The following DDX60 variants were observed in gnomAD, a reference collection of about 807,000 sequenced individuals.
DDX60 encodes the protein probable ATP-dependent RNA helicase DDX60.
Under a neutral mutation model 212.8 loss-of-function variants are expected in DDX60, and 165 were observed. The ratio of observed to expected loss-of-function variants is 0.78; its 90% CI spans 0.68 to 0.88. DDX60 has a LOEUF of 0.88. Ranked by LOEUF, DDX60 falls within the 40% of genes least tolerant of loss-of-function variation. The probability of loss-of-function intolerance (pLI) is 0.00; values close to 1 mark genes in which losing one functional copy is unlikely to be tolerated. For synonymous variants in DDX60, 703 were observed against 685.3 expected, an observed-to-expected ratio of 1.03 and a Z score of -0.40; for missense variants, 1,905 against 2,003.9, an observed-to-expected ratio of 0.95 and a Z score of 0.94.
intron 28 of DDX60, among the ~76,000 whole-genome samples, chr4:168,250,034 A>C (rs1275524995): frequency 6.6e-6 from 1 of 152,234 alleles, no homozygotes; most frequent in Non-Finnish European, 1.5e-5. Flanking sequence ...ATTTACAAGC[A>C]AACCATATAA....
Position 168,236,584 on chromosome 4 carries a change from T to C in DDX60, c.4412-211A>G, listed in dbSNP as rs372911274. 7.9e-5 allele frequency among the ~76,000 whole-genome samples: 12 copies of C among 152,078 alleles called. No homozygotes were observed. In the East Asian group the frequency reaches 1.7e-3, roughly 22 times the overall value. ...ACCTATACCCTAATTTAGATCCTAA[T>C]GATCCCACACAAATTGCCTTATTTC... On this transcript the variant is annotated intron_variant, in intron 32 of 37. Transcript: ENST00000393743.
At chr4:168,291,356 T>G (rs556082124) in intron 8 of DDX60, among the ~76,000 whole-genome samples, 41 of 152,334 alleles carry the variant, frequency 2.7e-4, no homozygotes, top group African/African-American at 9.9e-4. Context: ...TTGCTTCTAT[T>G]TCTCTAAAGT....
chr4:168,321,989 C>T (rs948239985), upstream of DDX60, among the ~76,000 whole-genome samples: 1 of 152,104 alleles, frequency 6.6e-6, no homozygotes, highest in African/African-American at 2.4e-5. Context: ...CAGCATGGTG[C>T]CCTGTAGTGG....
chr4:168,239,039 T>C (rs753276001), intron 30 of DDX60, among the ~76,000 whole-genome samples: 14 of 152,120 alleles, frequency 9.2e-5, no homozygotes, highest in Non-Finnish European at 1.9e-4. Flanking sequence ...TGGATAGATG[T>C]ATCCAAAGTG....
chr4:168,262,968 A>G (rs1734685690), intron 22 of DDX60, among the ~76,000 whole-genome samples, 181 bp from the exon 23 acceptor site: 1 of 152,278 alleles, frequency 6.6e-6, no homozygotes, highest in South Asian at 2.1e-4. Context: ...CAAAAGAGGG[A>G]AAAAAGCCAA....
chr4:168,292,322 C>T (rs966555474), intron 7 of DDX60, among the ~76,000 whole-genome samples: 1 of 151,976 alleles, frequency 6.6e-6, no homozygotes, highest in Non-Finnish European at 1.5e-5. Context: ...TAGGATTACT[C>T]GTGTGAGACA....
chr4:168,316,034 A>G (rs1345316873), intron 1 of DDX60, among the ~76,000 whole-genome samples: 1 of 152,200 alleles, frequency 6.6e-6, no homozygotes, highest in Non-Finnish European at 1.5e-5. Flanking sequence ...ATATATCTTA[A>G]ATGATAATTT....
intron 10 of DDX60, among the ~76,000 whole-genome samples, chr4:168,285,896 A>AAAGGAAGGAAGGAAGGAAGGAAGG (rs368802134): frequency 4.4e-4 from 51 of 114,764 alleles, no homozygotes; most frequent in African/African-American, 1.6e-3. Flanking sequence ...AGGAGGGAAG[A>AAAGGAAGGAAGGAAGGAAGGAAGG]AAGGAAGGAA....
At position 168,267,585 on chromosome 4, in the gene DDX60, A is replaced by T; in HGVS notation, c.3036T>A (p.Asp1012Glu). 2.6e-6 allele frequency: 4 copies of T among 1,527,422 alleles called. No homozygotes were observed. The highest frequency in any genetic ancestry group is 3.5e-6 in the Non-Finnish European group (4 of 1,128,570). 94.6% of individuals were successfully genotyped at this position (1,527,422 alleles called of 1,614,324 possible). Residue 1012 changes from aspartate to glutamate, a missense_variant, in exon 22 of 38, where the codon GAT becomes GAA. Asp to Glu is a conservative substitution (Grantham distance 45). Transcript: ENST00000393743. ...ATATGGCTAAAATATTACCTACATGATCTGTTGTTAGTGCAGCACATGGGT... is the reference window on the plus strand; with the variant it reads ...ATATGGCTAAAATATTACCTACATGTTCTGTTGTTAGTGCAGCACATGGGT... ...HFHPCAALTT[D>E]HIERYGFPPD...
At position 168,298,918 on chromosome 4, in the gene DDX60, G is replaced by A. The variant is rs191661094; in HGVS notation, c.723+3382C>T. 5.8e-3 allele frequency among the ~76,000 whole-genome samples: 885 copies of A among 151,760 alleles called. 8 individuals carry two copies. Among genetic ancestry groups the A allele is most frequent in the Non-Finnish European group, 7.6e-3 (515 of 67,892 alleles). On this transcript the variant is annotated intron_variant, in intron 6 of 37. Transcript: ENST00000393743. ...TGGCTCATGCCTGTAATCCCAGCACGTTGGGAGGCCAAGGAGGGCAGATCA... is the reference window on the plus strand; with the variant it reads ...TGGCTCATGCCTGTAATCCCAGCACATTGGGAGGCCAAGGAGGGCAGATCA...
At chr4:168,248,319 C>A in intron 28 of DDX60, 27 bp from the exon 29 acceptor site, 1 of 1,483,018 alleles carries the variant, frequency 6.7e-7, no homozygotes, top group South Asian at 1.3e-5. Context: ...ACAATTACTT[C>A]ATAAAATAGC....
At position 168,318,637 on chromosome 4, in the gene DDX60, G is replaced by C. The variant is rs187290745; in HGVS notation, c.-122C>G. On this transcript the variant is annotated 5_prime_UTR_variant, in exon 1 of 38. Coordinates refer to ENST00000393743, the MANE Select transcript of DDX60 (RefSeq NM_017631.6). ...GGCTCCTCACCGCGGACTCAGGACC[G>C]GTGGTGTCCAAAGACCCGCGAGCTG... 6.6e-6 allele frequency: 1 copy of C among 152,566 alleles called. No homozygotes were observed. Among genetic ancestry groups the C allele is most frequent in the Non-Finnish European group, 1.5e-5 (1 of 68,182 alleles). 9.5% of individuals were successfully genotyped at this position (152,566 alleles called of 1,614,324 possible). A position where few individuals can be genotyped will look rare whatever the true frequency, so the allele number is the denominator to read the frequency against.
intron 6 of DDX60, among the ~76,000 whole-genome samples, chr4:168,298,638 T>C (rs1240515343): frequency 1.3e-5 from 2 of 152,082 alleles, no homozygotes; most frequent in East Asian, 3.9e-4. Flanking sequence ...GAAACTCACC[T>C]ATAGTAACAA....
At chr4:168,247,463 C>T (rs1214610042) in intron 29 of DDX60, among the ~76,000 whole-genome samples, 3 of 152,066 alleles carry the variant, frequency 2.0e-5, no homozygotes, top group Non-Finnish European at 4.4e-5. Flanking sequence ...ATAAGGAGAA[C>T]AAAAAGTGTT....
intron 6 of DDX60, among the ~76,000 whole-genome samples, chr4:168,294,417 C>T (rs1736250529): frequency 6.6e-6 from 1 of 152,110 alleles, no homozygotes. Context: ...AATGGGATGG[C>T]ATCAAAGTAA....
chr4:168,284,080 C>T (rs905040770), intron 12 of DDX60, among the ~76,000 whole-genome samples: 5 of 152,104 alleles, frequency 3.3e-5, no homozygotes, highest in African/African-American at 1.2e-4. Flanking sequence ...ATATGCCTTA[C>T]TCCCTTATCT....
At position 168,306,641 on chromosome 4, in the gene DDX60, G is replaced by T; in HGVS notation, c.344C>A (p.Thr115Asn). 6.2e-7 allele frequency: 1 copy of T among 1,614,056 alleles called. No homozygotes were observed. Among genetic ancestry groups the T allele is most frequent in the Non-Finnish European group, 8.5e-7 (1 of 1,179,962 alleles). Residue 115 changes from threonine to asparagine, a missense_variant, in exon 5 of 38, where the codon ACC becomes AAC. Physicochemically the swap from Thr to Asn is moderately conservative, Grantham distance 65. Coordinates refer to ENST00000393743, the MANE Select transcript of DDX60 (RefSeq NM_017631.6). ...TALILHLQKN[T>N]TIDVRTTFSR... Reference sequence around the variant, plus strand: ...AAATGTTGTTCGAACATCAATGGTGGTATTCTTCTGAAGATGAAGAATTAA... The same window carrying T: ...AAATGTTGTTCGAACATCAATGGTGTTATTCTTCTGAAGATGAAGAATTAA...
intron 19 of DDX60, 22 bp from the exon 20 acceptor site, chr4:168,268,991 AT>A (rs765500241): frequency 1.6e-5 from 18 of 1,095,782 alleles, no homozygotes; most frequent in Non-Finnish European, 2.4e-5. Context: ...AAAAAAAAAA[AT>A]CTCAACTGAA....
chr4:168,240,509 C>T (rs146564220), intron 30 of DDX60, among the ~76,000 whole-genome samples: 4,865 of 152,122 alleles, frequency 0.032, 135 homozygotes, highest in East Asian at 0.077. Flanking sequence ...AGAGCCCATA[C>T]AGCCAAGACA....
Sources: allele counts gnomAD v4.1 joint callset (sites outside exome capture counted in the v4.1 genomes callset), GRCh38; gene constraint gnomAD v4.1.1; transcripts MANE v1.5; gene names NCBI Gene and HGNC (gene_info 2026-07-23, HGNC 2026-07-21).